Variants in KMT2C observed in about 807,000 individuals in gnomAD.
The protein encoded by KMT2C is lysine methyltransferase 2C, also known as histone-lysine N-methyltransferase 2C.
Under a neutral mutation model 507.9 loss-of-function variants are expected in KMT2C, and 88 were observed. That is an observed-to-expected ratio of 0.17 (90% CI 0.15 to 0.21). KMT2C has a LOEUF of 0.21. Ranked by LOEUF, KMT2C falls within the 10% of genes least tolerant of loss-of-function variation. The pLI, the probability that KMT2C is intolerant of heterozygous loss-of-function variation, is 1.00. For missense variants in KMT2C, 4,954 were observed against 5,957.8 expected (o/e 0.83, Z 5.55); for synonymous variants, 2,049 against 2,080.8 (o/e 0.98, Z 0.42).
rs914837246 is a variant in KMT2C at position 152,227,101 on chromosome 7, A to G, written c.2977-2485T>C. 9.8e-5 allele frequency among the ~76,000 whole-genome samples: 15 copies of G among 152,364 alleles called. No individual in the cohort carries two copies. In the East Asian group the frequency reaches 2.9e-3, roughly 29 times the overall value. On this transcript the variant is annotated intron_variant, in intron 18 of 58. Coordinates refer to ENST00000262189, the MANE Select transcript of KMT2C (RefSeq NM_170606.3). ...ACACTACAGTCTGGTCTCTACACCC[A>G]CATCCACTCATAACTGCTTAAGCCA...
At chr7:152,337,635 T>C (rs962103631) in intron 2 of KMT2C, among the ~76,000 whole-genome samples, 5 of 152,152 alleles carry the variant, frequency 3.3e-5, no homozygotes, top group Non-Finnish European at 7.3e-5. Context: ...GGCAAGTTAC[T>C]TAACTTCATC....
chr7:152,159,028 G>C lies in KMT2C; in HGVS notation c.11505C>G (p.Asn3835Lys), dbSNP rs1040513206. Residue 3835 changes from asparagine (N) to lysine (K), a missense_variant, in exon 44 of 59, where the codon AAC becomes AAG. Physicochemically the swap from Asn to Lys is moderately conservative, Grantham distance 94. Coordinates refer to ENST00000262189, the MANE Select transcript of KMT2C (RefSeq NM_170606.3). ...AQMQGGFGCG[N>K]QLPKTDGGSE... ...TTCCTCCATCTGTTTTTGGCAACTGGTTGCCACATCCAAAACCACCTTGCA... is the reference window on the plus strand; with the variant it reads ...TTCCTCCATCTGTTTTTGGCAACTGCTTGCCACATCCAAAACCACCTTGCA... 1.2e-6 allele frequency: 2 copies of C among 1,614,106 alleles called. No homozygotes were observed. Among genetic ancestry groups the C allele is most frequent in the Non-Finnish European group, 1.7e-6 (2 of 1,180,038 alleles).
chr7:152,428,805 A>G (rs1389944598), intron 1 of KMT2C, among the ~76,000 whole-genome samples: 2 of 152,052 alleles, frequency 1.3e-5, no homozygotes, highest in Non-Finnish European at 2.9e-5. Context: ...TTTCTCCCCA[A>G]CCCAAGGTCT....
intron 26 of KMT2C, 32 bp from the exon 27 acceptor site, chr7:152,199,491 T>G (rs763199955): frequency 4.4e-6 from 6 of 1,371,408 alleles, no homozygotes; most frequent in Non-Finnish European, 5.9e-6. Flanking sequence ...CAAAAATGGT[T>G]AGAAAATTCT....
At chr7:152,303,054 C>G (rs1249712268) in intron 6 of KMT2C, among the ~76,000 whole-genome samples, 1 of 152,042 alleles carries the variant, frequency 6.6e-6, no homozygotes, top group Non-Finnish European at 1.5e-5. Context: ...TTGGTAGCAC[C>G]CTGAGAGCTT....
At chr7:152,239,544 G>A (rs1391600922) in intron 14 of KMT2C, among the ~76,000 whole-genome samples, 3 of 152,146 alleles carry the variant, frequency 2.0e-5, no homozygotes, top group African/African-American at 7.2e-5. Context: ...AAATTAAAAT[G>A]CCTAAAGTAC....
Position 152,235,936 on chromosome 7 carries a change from AT to A in KMT2C, c.2653-4del. On this transcript the variant is annotated splice_polypyrimidine_tract_variant and splice_region_variant and intron_variant, in intron 15 of 58. Transcript: ENST00000262189. The stretch of plus-strand genomic sequence containing the variant: ...CCTGGAAATCCAGACCCACGGCCCT[AT>A]GTAACAGATTGGGAAAAGTCAACAT... 6.2e-7 allele frequency: 1 copy of A among 1,603,034 alleles called. No individual in the cohort carries two copies. The highest frequency in any genetic ancestry group is 8.5e-7 in the Non-Finnish European group (1 of 1,173,618).
Position 152,148,238 on chromosome 7 carries a change from T to G in KMT2C, c.13689A>C (p.Pro4563=). 3 of 1,614,248 alleles carry G rather than the reference T, an allele frequency of 1.9e-6. No individual in the cohort carries two copies. Among genetic ancestry groups the G allele is most frequent in the Non-Finnish European group, 2.5e-6 (3 of 1,180,038 alleles). ...GAGAATGGAATGCTTGCATCTGCTG[T>G]GGAAGCAGCTGACCAATTGTGTGGA... ...LIFHTIGQLL[P]QQMQAFHSPK... The change falls in exon 52 of 59, where the codon CCA becomes CCC. Residue 4563 remains proline, a synonymous_variant. Coordinates refer to ENST00000262189, the MANE Select transcript of KMT2C (RefSeq NM_170606.3). The surrounding 1 kb of genome is among the most constrained non-coding windows in gnomAD (Gnocchi z 7.1).
intron 1 of KMT2C, among the ~76,000 whole-genome samples, chr7:152,362,971 G>T (rs1005517455): frequency 1.3e-5 from 2 of 152,018 alleles, no homozygotes; most frequent in Admixed American, 6.6e-5. Context: ...TGTCATTTTC[G>T]AATTCTTTTA....
intron 1 of KMT2C, among the ~76,000 whole-genome samples, chr7:152,364,804 A>T (rs1352413489): frequency 6.6e-6 from 1 of 152,094 alleles, no homozygotes; most frequent in Non-Finnish European, 1.5e-5. Flanking sequence ...CTACCTAACT[A>T]ATATGTGTGA....
rs776705063 is a variant in KMT2C, at chr7:152,152,933, C to T, written c.12298G>A (p.Ala4100Thr). The T allele has an allele frequency of 3.7e-6, 6 of 1,614,068 alleles. No homozygotes were observed. Among genetic ancestry groups the T allele is most frequent in the Non-Finnish European group, 5.1e-6 (6 of 1,180,036 alleles). The change falls in exon 49 of 59, where the codon GCA becomes ACA. Residue 4100 changes from alanine (A) to threonine (T), a missense_variant. By Grantham distance (58) the Ala-to-Thr change is moderately conservative. Coordinates refer to ENST00000262189, the MANE Select transcript of KMT2C (RefSeq NM_170606.3). Reference protein sequence around the residue: ...AAENISSVVAAFSDLLHVRIP... With the variant: ...AAENISSVVATFSDLLHVRIP... Reference sequence around the variant, plus strand: ...CGGACGTGAAGAAGGTCGGAAAATGCAGCCACAACACTGCTAATGTTCTAA... The same window carrying T: ...CGGACGTGAAGAAGGTCGGAAAATGTAGCCACAACACTGCTAATGTTCTAA...
At chr7:152,158,670 C>T (rs2092254814) in intron 44 of KMT2C, among the ~76,000 whole-genome samples, 193 bp downstream of exon 44, 1 of 152,050 alleles carries the variant, frequency 6.6e-6, no homozygotes, top group African/African-American at 2.4e-5. Flanking sequence ...CGTGTACCAC[C>T]ACGCCCAGTA....
intron 1 of KMT2C, among the ~76,000 whole-genome samples, chr7:152,375,209 A>AT (rs2097319381): frequency 6.6e-6 from 1 of 151,658 alleles, no homozygotes; most frequent in East Asian, 1.9e-4. Flanking sequence ...CACCCAGCTG[A>AT]TTTTTTATTT....
At chr7:152,294,615 C>A (rs911381063) in intron 6 of KMT2C, among the ~76,000 whole-genome samples, 7 of 151,386 alleles carry the variant, frequency 4.6e-5, no homozygotes, top group African/African-American at 1.7e-4. Context: ...ATGAGCAACA[C>A]AGCAAGATCC....
At chr7:152,203,567 T>C (rs1411053813) in intron 25 of KMT2C, among the ~76,000 whole-genome samples, 1 of 152,160 alleles carries the variant, frequency 6.6e-6, no homozygotes, top group Non-Finnish European at 1.5e-5. Flanking sequence ...ACGATGAATA[T>C]GCTAATAAAT....
At chr7:152,209,219 G>C (rs1328687130) in intron 23 of KMT2C, among the ~76,000 whole-genome samples, 3 of 151,536 alleles carry the variant, frequency 2.0e-5, no homozygotes, top group Non-Finnish European at 4.4e-5. Context: ...CACTTTGGGA[G>C]GCCGAGGCGG....
At chr7:152,209,176 G>A (rs2094390547) in intron 23 of KMT2C, among the ~76,000 whole-genome samples, 2 of 150,202 alleles carry the variant, frequency 1.3e-5, no homozygotes, top group African/African-American at 4.9e-5. Flanking sequence ...AAAAAAAAAG[G>A]CCAGGCACGG....
intron 1 of KMT2C, among the ~76,000 whole-genome samples, chr7:152,359,748 C>T (rs1393208053): frequency 6.6e-6 from 1 of 151,736 alleles, no homozygotes; most frequent in African/African-American, 2.4e-5. Flanking sequence ...AAACATAAAA[C>T]ATTTAAAAAG....
At chr7:152,207,101 T>C (rs888595286) in intron 24 of KMT2C, among the ~76,000 whole-genome samples, 199 bp downstream of exon 24, 4 of 152,308 alleles carry the variant, frequency 2.6e-5, no homozygotes, top group Admixed American at 2.6e-4. Context: ...TTGTGAAGTA[T>C]TCACACATTC....
Sources: gnomAD v4.1 joint callset for allele counts (sites outside exome capture counted in the v4.1 genomes callset) on GRCh38, gnomAD v4.1.1 for gene constraint, Gnocchi (gnomAD v3.1) non-coding constraint, MANE v1.5 for transcripts, NCBI Gene and HGNC (gene_info 2026-07-23, HGNC 2026-07-21) for gene names.